EGFLAM: variants seen among roughly 807,000 people sequenced by gnomAD.
The protein encoded by EGFLAM is pikachurin.
In EGFLAM, 79 loss-of-function variants were observed where a neutral mutation model predicts 113.1. That is an observed-to-expected ratio of 0.70 (90% CI 0.58 to 0.84). The LOEUF (loss-of-function observed/expected upper bound fraction) is 0.84, where lower values mean the gene tolerates loss of function less well. Ranked by LOEUF, EGFLAM falls within the 40% of genes least tolerant of loss-of-function variation. The probability of loss-of-function intolerance (pLI) is 0.00; values close to 1 mark genes in which losing one functional copy is unlikely to be tolerated. For missense variants in EGFLAM, 1,265 were observed against 1,291.6 expected, an observed-to-expected ratio of 0.98 and a Z score of 0.32; for synonymous variants, 504 against 487.6, an observed-to-expected ratio of 1.03 and a Z score of -0.44.
chr5:38,316,440 C>A (rs761057409), intron 1 of EGFLAM, among the ~76,000 whole-genome samples: 1 of 152,194 alleles, frequency 6.6e-6, no homozygotes, highest in Non-Finnish European at 1.5e-5. Context: ...AGCTACTTAA[C>A]TTCTCTGTTT....
intron 1 of EGFLAM, among the ~76,000 whole-genome samples, chr5:38,285,425 T>C (rs1758134219): frequency 6.6e-6 from 1 of 152,136 alleles, no homozygotes; most frequent in Non-Finnish European, 1.5e-5. Flanking sequence ...AACGGCCTCA[T>C]TGTAACTGTG....
chr5:38,409,098 A>C lies in EGFLAM; in HGVS notation c.1343A>C (p.Gln448Pro). ...MSLAIIRRSL[Q>P]FRFNCGTGVA... Reference sequence around the variant, plus strand: ...CTGGCTATCATCCGACGCTCCCTGCAGTTCAGGTAATTCCTGCCAAAAGCC... The same window carrying C: ...CTGGCTATCATCCGACGCTCCCTGCCGTTCAGGTAATTCCTGCCAAAAGCC... Residue 448 changes from glutamine to proline, a missense_variant, in exon 10 of 22, where the codon CAG becomes CCG. Gln to Pro is a moderately conservative substitution (Grantham distance 76). Transcript: ENST00000322350. 2 of 1,571,978 alleles carry C rather than the reference A, an allele frequency of 1.3e-6. No individual in the cohort carries two copies. The highest frequency in any genetic ancestry group is 1.7e-6 in the Non-Finnish European group (2 of 1,157,002).
chr5:38,436,633 C>T (rs139349580), intron 16 of EGFLAM, among the ~76,000 whole-genome samples: 213 of 152,256 alleles, frequency 1.4e-3, no homozygotes, highest in Non-Finnish European at 2.5e-3. Context: ...ATCCTCTGCC[C>T]GCTCTTCTCA....
At chr5:38,324,211 A>ACTAT (rs1738815586) in intron 1 of EGFLAM, among the ~76,000 whole-genome samples, 1 of 152,030 alleles carries the variant, frequency 6.6e-6, no homozygotes, top group South Asian at 2.1e-4. Context: ...TGCAGTTGGG[A>ACTAT]CTATGTCCTA....
intron 20 of EGFLAM, among the ~76,000 whole-genome samples, chr5:38,462,212 T>G (rs1743305270): frequency 6.6e-6 from 1 of 152,088 alleles, no homozygotes; most frequent in Admixed American, 6.6e-5. Flanking sequence ...TGAGCCAGTC[T>G]TCCCATCGAA....
chr5:38,409,181 A>T lies in EGFLAM; in HGVS notation c.1349+77A>T, dbSNP rs1741391462. 4 of 1,117,954 alleles carry T rather than the reference A, an allele frequency of 3.6e-6. No individual in the cohort carries two copies. The African/African-American group carries it at 6.4e-5, about 18-fold the overall frequency. 69.3% of individuals were successfully genotyped at this position (1,117,954 alleles called of 1,614,324 possible). ...TATATTTGCCTTTTTATAGTATGAA[A>T]AAATATATACAGGATAGGTTCTAGT... On this transcript the variant is annotated intron_variant, in intron 10 of 21. Coordinates refer to ENST00000322350, the MANE Select transcript of EGFLAM (RefSeq NM_152403.4).
intron 10 of EGFLAM, among the ~76,000 whole-genome samples, chr5:38,410,505 G>A (rs759621765): frequency 3.9e-5 from 6 of 152,192 alleles, no homozygotes; most frequent in Non-Finnish European, 5.9e-5. Flanking sequence ...CAAAGGGAGG[G>A]CCTGAGAAGT....
At position 38,427,200 on chromosome 5, in the gene EGFLAM, G is replaced by A. The variant is rs758345675; in HGVS notation, c.2002G>A (p.Gly668Arg). ...SKDFLSINLA[G>R]GHVEFRFDCG... is the part of the protein sequence containing the mutation. ...AGACTTCCTGTCCATCAACTTGGCAGGGGGCCACGTGGAGTTCCGCTTTGA... is the reference window on the plus strand; with the variant it reads ...AGACTTCCTGTCCATCAACTTGGCAAGGGGCCACGTGGAGTTCCGCTTTGA... Residue 668 changes from glycine to arginine, a missense_variant, in exon 14 of 22, where the codon GGG becomes AGG. Coordinates refer to ENST00000322350, the MANE Select transcript of EGFLAM (RefSeq NM_152403.4). The A allele has an allele frequency of 6.2e-7, 1 of 1,614,164 alleles. No homozygotes were observed. Among genetic ancestry groups the A allele is most frequent in the Non-Finnish European group, 8.5e-7 (1 of 1,180,030 alleles).
chr5:38,362,691 T>C (rs981286528), intron 5 of EGFLAM, among the ~76,000 whole-genome samples: 1 of 152,194 alleles, frequency 6.6e-6, no homozygotes, highest in African/African-American at 2.4e-5. Flanking sequence ...TCCTTACCTT[T>C]AGTTTTGAAA....
At chr5:38,276,216 A>G (rs1383274791) in intron 1 of EGFLAM, among the ~76,000 whole-genome samples, 3 of 152,148 alleles carry the variant, frequency 2.0e-5, no homozygotes, top group Non-Finnish European at 4.4e-5. Flanking sequence ...AGACTTACTC[A>G]CTATCACGAG....
rs1743407306 is a variant in EGFLAM, at chr5:38,464,577, C to T, written c.*591C>T. On this transcript the variant is annotated 3_prime_UTR_variant, in exon 22 of 22. Coordinates refer to ENST00000322350, the MANE Select transcript of EGFLAM (RefSeq NM_152403.4). ...CAGAATCATAATCATAATGCGGCCCCCTTCCCCAGAGCTTACCTCGAATGT... is the reference window on the plus strand; with the variant it reads ...CAGAATCATAATCATAATGCGGCCCTCTTCCCCAGAGCTTACCTCGAATGT... 6.6e-6 allele frequency: 1 copy of T among 152,426 alleles called. No individual in the cohort carries two copies. The highest frequency in any genetic ancestry group is 2.1e-4 in the South Asian group (1 of 4,838). 9.4% of individuals were successfully genotyped at this position (152,426 alleles called of 1,614,324 possible).
At chr5:38,438,212 G>A (rs1742413240) in intron 16 of EGFLAM, 63 bp from the exon 17 acceptor site, 3 of 1,537,170 alleles carry the variant, frequency 2.0e-6, no homozygotes, top group Admixed American at 3.8e-5. Flanking sequence ...GCCAAGGGAA[G>A]CTTTAGAAGA....
At chr5:38,377,059 T>TGTCTG in intron 6 of EGFLAM, among the ~76,000 whole-genome samples, 1 of 152,244 alleles carries the variant, frequency 6.6e-6, no homozygotes, top group South Asian at 2.1e-4. Flanking sequence ...TCATATTGTC[T>TGTCTG]GTCTGTATCT....
chr5:38,347,712 C>G (rs1424359094), intron 3 of EGFLAM, among the ~76,000 whole-genome samples: 4 of 151,958 alleles, frequency 2.6e-5, no homozygotes, highest in Non-Finnish European at 4.4e-5. Context: ...CGGGATGATG[C>G]TGGAAGGATA....
At chr5:38,289,197 T>C (rs1299452120) in intron 1 of EGFLAM, among the ~76,000 whole-genome samples, 2 of 152,222 alleles carry the variant, frequency 1.3e-5, no homozygotes, top group African/African-American at 4.8e-5. Flanking sequence ...GCTTGTATCC[T>C]GGAGTCATCT....
Position 38,352,234 on chromosome 5 carries a change from G to A in EGFLAM, c.448G>A (p.Val150Ile), listed in dbSNP as rs1453171598. Reference protein sequence around the residue: ...LPPAAPQQPHVIVVSDSEVAL... With the variant: ...LPPAAPQQPHIIVVSDSEVAL... Reference sequence around the variant, plus strand: ...TCCTGCAGCTCCCCAGCAGCCACATGTCATTGTGGTTTCGGATTCTGAGGT... The same window carrying A: ...TCCTGCAGCTCCCCAGCAGCCACATATCATTGTGGTTTCGGATTCTGAGGT... Residue 150 changes from valine (V) to isoleucine (I), a missense_variant, in exon 5 of 22, where the codon GTC becomes ATC. By Grantham distance (29) the Val-to-Ile change is conservative. Transcript: ENST00000322350. The A allele has an allele frequency of 6.2e-7, 1 of 1,614,120 alleles. No individual in the cohort carries two copies. The highest frequency in any genetic ancestry group is 1.7e-5 in the Admixed American group (1 of 60,010).
intron 1 of EGFLAM, among the ~76,000 whole-genome samples, chr5:38,298,861 C>A (rs1041927392): frequency 2.0e-5 from 3 of 152,040 alleles, no homozygotes; most frequent in African/African-American, 7.2e-5. Context: ...CCACCATGCC[C>A]AGCTAATTTT....
intron 19 of EGFLAM, among the ~76,000 whole-genome samples, chr5:38,456,902 G>C (rs1282782423): frequency 1.3e-5 from 2 of 152,208 alleles, no homozygotes; most frequent in Admixed American, 1.3e-4. Flanking sequence ...TCCAGGGAAA[G>C]TCTGGGCAGT....
At chr5:38,387,896 A>G (rs948502185) in intron 6 of EGFLAM, among the ~76,000 whole-genome samples, 1 of 152,154 alleles carries the variant, frequency 6.6e-6, no homozygotes, top group Non-Finnish European at 1.5e-5. Flanking sequence ...GACTCAAGCC[A>G]GGCTTCTTTC....
Sources: allele counts gnomAD v4.1 joint callset (sites outside exome capture counted in the v4.1 genomes callset), GRCh38; gene constraint gnomAD v4.1.1; transcripts MANE v1.5; gene names NCBI Gene and HGNC (gene_info 2026-07-23, HGNC 2026-07-21).